RBFOX3: variants seen among roughly 807,000 people sequenced by gnomAD.
RBFOX3 encodes RNA binding protein fox-1 homolog 3.
A neutral mutation model predicts 48.7 loss-of-function variants in RBFOX3; 17 were observed. The ratio of observed to expected loss-of-function variants is 0.35; its 90% CI spans 0.24 to 0.52. The LOEUF (loss-of-function observed/expected upper bound fraction) is 0.52, where lower values mean the gene tolerates loss of function less well. RBFOX3 is among the 20% of genes least tolerant of loss of function. The pLI is 0.94. For missense variants in RBFOX3, 382 were observed against 497.5 expected, an observed-to-expected ratio of 0.77 and a Z score of 2.21; for synonymous variants, 212 against 209.5, an observed-to-expected ratio of 1.01 and a Z score of -0.10.
intron 2 of RBFOX3, among the ~76,000 whole-genome samples, chr17:79,335,489 G>A (rs1054235137): frequency 9.2e-5 from 14 of 152,332 alleles, no homozygotes; most frequent in Middle Eastern, 3.4e-3. Flanking sequence ...GGAGGCTGAG[G>A]TCCGACACTT....
intron 2 of RBFOX3, among the ~76,000 whole-genome samples, chr17:79,476,058 G>A (rs1233711956): frequency 6.6e-6 from 1 of 152,214 alleles, no homozygotes; most frequent in African/African-American, 2.4e-5. Context: ...GGCTGCACCT[G>A]ACACCCTGTG....
intron 2 of RBFOX3, among the ~76,000 whole-genome samples, chr17:79,393,509 T>TCTGCTC (rs1191671518): frequency 4.6e-5 from 7 of 152,256 alleles, no homozygotes; most frequent in Non-Finnish European, 7.3e-5. Context: ...TGGTCGGCAA[T>TCTGCTC]CTGCTCCTGC....
intron 1 of RBFOX3, among the ~76,000 whole-genome samples, chr17:79,586,832 C>A (rs1345351588): frequency 3.3e-5 from 5 of 152,156 alleles, no homozygotes; most frequent in African/African-American, 1.2e-4. Context: ...CTGATGGCAG[C>A]CAGGGCATTT....
At chr17:79,134,026 T>C (rs1055935233) in intron 4 of RBFOX3, among the ~76,000 whole-genome samples, 1 of 152,168 alleles carries the variant, frequency 6.6e-6, no homozygotes, top group Non-Finnish European at 1.5e-5. Context: ...TGGAACAGGA[T>C]ATTAAGCACA....
At chr17:79,381,799 T>G (rs2059958854) in intron 2 of RBFOX3, among the ~76,000 whole-genome samples, 1 of 152,012 alleles carries the variant, frequency 6.6e-6, no homozygotes, top group African/African-American at 2.4e-5. Context: ...TCCTTTCCCA[T>G]CTCCAAATGT....
chr17:79,199,194 C>T lies in RBFOX3; in HGVS notation c.-34+36572G>A, dbSNP rs1242482352. 6.6e-6 allele frequency among the ~76,000 whole-genome samples: 1 copy of T among 152,116 alleles called. No individual in the cohort carries two copies. The highest frequency in any genetic ancestry group is 1.5e-5 in the Non-Finnish European group (1 of 68,012). On this transcript the variant is annotated intron_variant, in intron 4 of 14. Transcript: ENST00000693108. The surrounding 1 kb of genome is among the most constrained non-coding windows in gnomAD (Gnocchi z 5.1). ...GGATGGGAAGGCAGACTCTGGCTGG[C>T]TCACTCTGCCTTCTGAGAATGTAAA...
chr17:79,176,008 T>C (rs1040643537), intron 4 of RBFOX3, among the ~76,000 whole-genome samples: 1 of 152,210 alleles, frequency 6.6e-6, no homozygotes, highest in Non-Finnish European at 1.5e-5. Flanking sequence ...TTTCTGTGAC[T>C]GAGTTGTGTC....
intron 2 of RBFOX3, among the ~76,000 whole-genome samples, chr17:79,466,179 G>A (rs1401332652): frequency 6.6e-6 from 1 of 152,212 alleles, no homozygotes; most frequent in Non-Finnish European, 1.5e-5. Flanking sequence ...AGCATGTCAG[G>A]TGGGACTGGG....
intron 5 of RBFOX3, among the ~76,000 whole-genome samples, chr17:79,115,080 C>T (rs1250111238): frequency 6.6e-6 from 1 of 152,206 alleles, no homozygotes; most frequent in Admixed American, 6.5e-5. Flanking sequence ...TGGGCCACCT[C>T]CACGGCTCTG....
intron 1 of RBFOX3, among the ~76,000 whole-genome samples, chr17:79,602,235 T>G (rs1213597408): frequency 6.6e-6 from 1 of 152,232 alleles, no homozygotes; most frequent in African/African-American, 2.4e-5. Context: ...TCCCGCCCTT[T>G]GGCCATCAGC....
In RBFOX3 at chr17:79,103,094, G is replaced by T. The variant is rs536477041; in HGVS notation, c.507+68C>A. 2.5e-5 allele frequency: 31 copies of T among 1,218,322 alleles called. No individual in the cohort carries two copies. In the South Asian group the frequency reaches 3.3e-4, roughly 13 times the overall value. The allele number at this position is 1,218,322 out of a possible 1,614,324, so 75.5% of individuals were successfully genotyped here. A position where few individuals can be genotyped will look rare whatever the true frequency, so the allele number is the denominator to read the frequency against. On this transcript the variant is annotated intron_variant, in intron 8 of 14. Transcript: ENST00000693108. The surrounding 1 kb of genome is among the most constrained non-coding windows in gnomAD (Gnocchi z 6.1). Reference sequence around the variant, plus strand: ...GGTGCGGCAGTGGCAGGGCTGGTTGGTTGGGGGAGCTGGGGGGCAGGTGGG... The same window carrying T: ...GGTGCGGCAGTGGCAGGGCTGGTTGTTTGGGGGAGCTGGGGGGCAGGTGGG...
chr17:79,328,939 G>T (rs931144133), intron 2 of RBFOX3, among the ~76,000 whole-genome samples: 1 of 152,156 alleles, frequency 6.6e-6, no homozygotes, highest in East Asian at 1.9e-4. Context: ...CACATGGGGT[G>T]GGGGAGATCA....
intron 2 of RBFOX3, among the ~76,000 whole-genome samples, chr17:79,422,781 GC>G (rs2066659831): frequency 1.3e-5 from 2 of 152,160 alleles, no homozygotes; most frequent in African/African-American, 4.8e-5. Flanking sequence ...CCCCTGTGTA[GC>G]TGCATTTGGA....
intron 4 of RBFOX3, among the ~76,000 whole-genome samples, chr17:79,209,548 G>A (rs948982769): frequency 5.3e-5 from 8 of 152,224 alleles, no homozygotes; most frequent in Admixed American, 5.2e-4. Flanking sequence ...CCTCTAGGCA[G>A]TGAGCACCTC....
intron 2 of RBFOX3, among the ~76,000 whole-genome samples, chr17:79,309,677 A>T: frequency 6.6e-6 from 1 of 152,096 alleles, no homozygotes; most frequent in East Asian, 1.9e-4. Context: ...TGTAATCCCC[A>T]TGTGTTGAGG....
Position 79,186,355 on chromosome 17 carries a change from C to T in RBFOX3, c.-34+49411G>A, listed in dbSNP as rs568711761. On this transcript the variant is annotated intron_variant, in intron 4 of 14. Transcript: ENST00000693108. The stretch of plus-strand genomic sequence containing the variant: ...CTGTGCTTCAGCACGAGCCAGTTAG[C>T]GAACAGCACGCACCTCAGTGCTCCG... Among the ~76,000 whole-genome samples, 6 of 152,404 alleles carry T rather than the reference C, an allele frequency of 3.9e-5. No homozygotes were observed. The East Asian group carries it at 9.6e-4, about 24-fold the overall frequency.
Position 79,311,587 on chromosome 17 carries a change from TAATCAATC to T in RBFOX3, c.-174-3771_-174-3764del, listed in dbSNP as rs1050552920. On this transcript the variant is annotated intron_variant, in intron 2 of 14. Transcript: ENST00000693108. This position sits in a 1 kb window ranked among gnomAD's most constrained non-coding sequence, Gnocchi z 4.2. The stretch of plus-strand genomic sequence containing the variant: ...TCTGTCCTATCTGTCAATCAATCAA[TAATCAATC>T]AATCAATCATCTACCTACCTACCTA... 6.6e-6 allele frequency among the ~76,000 whole-genome samples: 1 copy of T among 152,112 alleles called. No individual in the cohort carries two copies. The highest frequency in any genetic ancestry group is 6.5e-5 in the Admixed American group (1 of 15,274).
In RBFOX3 at chr17:79,392,752, A is replaced by G. The variant is rs1279644022; in HGVS notation, c.-174-84928T>C. 6.6e-6 allele frequency among the ~76,000 whole-genome samples: 1 copy of G among 152,192 alleles called. No homozygotes were observed. Among genetic ancestry groups the G allele is most frequent in the Non-Finnish European group, 1.5e-5 (1 of 68,040 alleles). On this transcript the variant is annotated intron_variant, in intron 2 of 14. Transcript: ENST00000693108. This position sits in a 1 kb window ranked among gnomAD's most constrained non-coding sequence, Gnocchi z 5.0. ...GCACAGCACAACACCCTCAGGAACC[A>G]AGATGCATATGAGCCAGAAATCAAC... is the stretch of plus-strand genomic sequence containing the variant.
chr17:79,157,039 C>A (rs566075875), intron 4 of RBFOX3, among the ~76,000 whole-genome samples: 1 of 152,320 alleles, frequency 6.6e-6, no homozygotes, highest in Admixed American at 6.5e-5. Context: ...CTCTCCTCAG[C>A]CGCTGCTGTG....
Sources: gnomAD v4.1 joint callset for allele counts (sites outside exome capture counted in the v4.1 genomes callset) on GRCh38, gnomAD v4.1.1 for gene constraint, Gnocchi (gnomAD v3.1) non-coding constraint, MANE v1.5 for transcripts, NCBI Gene and HGNC (gene_info 2026-07-23, HGNC 2026-07-21) for gene names.